Variants in AGBL4 observed in about 807,000 individuals in gnomAD.
The protein encoded by AGBL4 is cytosolic carboxypeptidase 6.
Under a neutral mutation model 66.4 loss-of-function variants are expected in AGBL4, and 58 were observed. The observed-to-expected ratio is 0.87, with a 90% CI of 0.71 to 1.09. The LOEUF (loss-of-function observed/expected upper bound fraction) is 1.09. Among genes scored for constraint, AGBL4 ranks in the 50% least tolerant of loss-of-function variants. AGBL4 has a pLI of 0.00. For missense variants in AGBL4, 579 were observed against 631.0 expected (o/e 0.92, Z 0.88); for synonymous variants, 234 against 222.9 (o/e 1.05, Z -0.44).
At chr1:49,286,853 GA>G (rs1221296064) in intron 3 of AGBL4, among the ~76,000 whole-genome samples, 1 of 152,082 alleles carries the variant, frequency 6.6e-6, no homozygotes, top group Non-Finnish European at 1.5e-5. Flanking sequence ...ACAGAATTGG[GA>G]AAAACTACTT....
intron 4 of AGBL4, among the ~76,000 whole-genome samples, chr1:49,110,658 T>C (rs1645388589): frequency 6.6e-6 from 1 of 152,176 alleles, no homozygotes; most frequent in Non-Finnish European, 1.5e-5. Context: ...TCTCCCACTT[T>C]TTCTGAATTG....
In AGBL4 at chr1:49,721,781, G is replaced by C. The variant is rs944745707; in HGVS notation, c.158-24344C>G. Among the ~76,000 whole-genome samples, 7 of 152,014 alleles carry C rather than the reference G, an allele frequency of 4.6e-5. 1 individual carries two copies. The highest frequency in any genetic ancestry group is 1.7e-4 in the African/African-American group (7 of 41,390). The stretch of plus-strand genomic sequence containing the variant: ...TGGATTACAAAGATAGAATCTTCAG[G>C]TGTTTGTTAAGGGATAAACTCTTCT... On this transcript the variant is annotated intron_variant, in intron 2 of 13. Coordinates refer to ENST00000371839, the MANE Select transcript of AGBL4 (RefSeq NM_032785.4).
At chr1:49,216,702 A>AT (rs1404640175) in intron 4 of AGBL4, among the ~76,000 whole-genome samples, 1 of 152,122 alleles carries the variant, frequency 6.6e-6, no homozygotes, top group African/African-American at 2.4e-5. Context: ...TCATAATATT[A>AT]TTTGTATTTT....
At chr1:48,722,766 G>A (rs1647172848) in intron 6 of AGBL4, among the ~76,000 whole-genome samples, 1 of 152,186 alleles carries the variant, frequency 6.6e-6, no homozygotes, top group Non-Finnish European at 1.5e-5. Context: ...CGAAGTCGGA[G>A]AGTAAGAGGT....
intron 10 of AGBL4, among the ~76,000 whole-genome samples, chr1:48,588,856 A>AGAAGAGAAGAGAAGG (rs1422934499): frequency 1.4e-5 from 2 of 143,188 alleles, no homozygotes; most frequent in African/African-American, 5.3e-5. Flanking sequence ...AGAAGAGAAG[A>AGAAGAGAAGAGAAGG]GAAGGGAAGA....
intron 1 of AGBL4, among the ~76,000 whole-genome samples, chr1:49,925,555 C>T (rs2148250378): frequency 6.6e-6 from 1 of 152,154 alleles, no homozygotes; most frequent in African/African-American, 2.4e-5. Flanking sequence ...CAAAGAGGGA[C>T]AGGGCATCAG....
At chr1:48,662,203 G>C (rs572333344) in intron 7 of AGBL4, among the ~76,000 whole-genome samples, 1 of 152,230 alleles carries the variant, frequency 6.6e-6, no homozygotes. Context: ...CGGGGAAGGC[G>C]GTAACATCTG....
intron 6 of AGBL4, among the ~76,000 whole-genome samples, chr1:48,814,002 G>T (rs1046863079): frequency 2.6e-5 from 4 of 152,054 alleles, no homozygotes; most frequent in African/African-American, 9.7e-5. Context: ...GAATATATTT[G>T]CCTCAAGGAG....
At chr1:49,728,581 C>T (rs1482285438) in intron 2 of AGBL4, among the ~76,000 whole-genome samples, 1 of 152,066 alleles carries the variant, frequency 6.6e-6, no homozygotes, top group African/African-American at 2.4e-5. Flanking sequence ...TAATGATGTG[C>T]CATACCCAGC....
chr1:49,896,170 C>A (rs1033892861), intron 1 of AGBL4, among the ~76,000 whole-genome samples: 10 of 152,010 alleles, frequency 6.6e-5, no homozygotes, highest in Non-Finnish European at 1.0e-4. Context: ...GGGGTCAATT[C>A]AGCAAGAGAA....
At chr1:49,965,813 C>G (rs1657507063) in intron 1 of AGBL4, among the ~76,000 whole-genome samples, 1 of 151,868 alleles carries the variant, frequency 6.6e-6, no homozygotes, top group South Asian at 2.1e-4. Context: ...CCGGACAATT[C>G]TACAATAAAT....
intron 8 of AGBL4, among the ~76,000 whole-genome samples, chr1:48,645,094 C>G (rs1357444307): frequency 6.6e-6 from 1 of 152,204 alleles, no homozygotes; most frequent in Admixed American, 6.5e-5. Context: ...CTGGCCTTTT[C>G]TGTGGAACCT....
chr1:50,019,300 TCTCTCTCA>T (rs1224604242), intron 1 of AGBL4, among the ~76,000 whole-genome samples: 10 of 72,068 alleles, frequency 1.4e-4, no homozygotes, highest in African/African-American at 2.3e-4. Context: ...TCTCTCTCTC[TCTCTCTCA>T]CACACACACA....
chr1:49,036,213 A>G (rs1019009027), intron 5 of AGBL4, among the ~76,000 whole-genome samples: 31 of 152,124 alleles, frequency 2.0e-4, no homozygotes, highest in Non-Finnish European at 4.0e-4. Context: ...ATATTTATTT[A>G]AAGAACAGCA....
intron 2 of AGBL4, among the ~76,000 whole-genome samples, chr1:49,835,265 T>C (rs558251887): frequency 7.9e-5 from 12 of 152,314 alleles, no homozygotes; most frequent in Non-Finnish European, 1.6e-4. Flanking sequence ...CTATATTGGG[T>C]GCATATGTAT....
At chr1:48,810,066 C>T (rs907159247) in intron 6 of AGBL4, among the ~76,000 whole-genome samples, 1 of 152,138 alleles carries the variant, frequency 6.6e-6, no homozygotes, top group Non-Finnish European at 1.5e-5. Context: ...TAAGACTCCT[C>T]GAAACTCTGT....
At chr1:49,461,139 T>C (rs1646502972) in intron 3 of AGBL4, among the ~76,000 whole-genome samples, 1 of 151,704 alleles carries the variant, frequency 6.6e-6, no homozygotes, top group African/African-American at 2.4e-5. Flanking sequence ...TTTGGATGTC[T>C]AGATCTCTAG....
chr1:49,205,292 A>G (rs1471862909), intron 4 of AGBL4, among the ~76,000 whole-genome samples: 1 of 152,030 alleles, frequency 6.6e-6, no homozygotes, highest in Non-Finnish European at 1.5e-5. Context: ...CTTTTTAAAT[A>G]AGGTTGCTCC....
At chr1:49,925,111 T>C (rs1014581106) in intron 1 of AGBL4, among the ~76,000 whole-genome samples, 6 of 152,160 alleles carry the variant, frequency 3.9e-5, no homozygotes, top group Admixed American at 3.3e-4. Flanking sequence ...GTGTGGCTTG[T>C]AGCTCATGGG....
Sources: allele counts gnomAD v4.1 joint callset (sites outside exome capture counted in the v4.1 genomes callset), GRCh38; gene constraint gnomAD v4.1.1; transcripts MANE v1.5; gene names NCBI Gene and HGNC (gene_info 2026-07-23, HGNC 2026-07-21).